Variants in TAF4B observed in about 807,000 individuals in gnomAD.
TAF4B encodes transcription initiation factor TFIID subunit 4B.
TAF4B carries 38 observed loss-of-function variants against 86.4 expected under a neutral mutation model. The observed-to-expected ratio is 0.44, with a 90% CI of 0.34 to 0.58. The LOEUF (loss-of-function observed/expected upper bound fraction) is 0.58. Ranked by LOEUF, TAF4B falls within the 20% of genes least tolerant of loss-of-function variation. The probability of loss-of-function intolerance (pLI) is 0.02; values close to 1 mark genes in which losing one functional copy is unlikely to be tolerated. For synonymous variants in TAF4B, 388 were observed against 391.2 expected (o/e 0.99, Z 0.10); for missense variants, 988 against 1,027.6 (o/e 0.96, Z 0.53).
intron 1 of TAF4B, among the ~76,000 whole-genome samples, chr18:26,256,703 G>C (rs965946233): frequency 6.6e-6 from 1 of 151,730 alleles, no homozygotes; most frequent in African/African-American, 2.4e-5. Context: ...TTGGTATGCT[G>C]TATCTTCATT....
chr18:26,330,083 A>G (rs570633126), intron 12 of TAF4B, among the ~76,000 whole-genome samples: 89 of 152,278 alleles, frequency 5.8e-4, no homozygotes, highest in African/African-American at 2.1e-3. Context: ...CCAATATCCA[A>G]TTCCTCATCA....
In TAF4B at chr18:26,390,969, G is replaced by A. The variant is rs1406111957; in HGVS notation, c.*957G>A. On this transcript the variant is annotated 3_prime_UTR_variant, in exon 15 of 15. Transcript: ENST00000269142. The stretch of plus-strand genomic sequence containing the variant: ...TGTTTTGTATTGTTTTAAATCCCAA[G>A]GATAGTTTTTATAGTTCCTTCTGTC... 1.3e-5 allele frequency: 2 copies of A among 152,098 alleles called. No individual in the cohort carries two copies. Among genetic ancestry groups the A allele is most frequent in the Non-Finnish European group, 2.9e-5 (2 of 68,020 alleles). The allele number at this position is 152,098 out of a possible 1,614,324, so 9.4% of individuals were successfully genotyped here.
At chr18:26,304,501 A>G (rs2056774529) in intron 9 of TAF4B, among the ~76,000 whole-genome samples, 1 of 152,222 alleles carries the variant, frequency 6.6e-6, no homozygotes, top group Non-Finnish European at 1.5e-5. Context: ...ACTTTGTGGG[A>G]CAGGTAAATC....
At chr18:26,358,477 A>G (rs750409401) in intron 14 of TAF4B, among the ~76,000 whole-genome samples, 4 of 152,294 alleles carry the variant, frequency 2.6e-5, no homozygotes, top group Non-Finnish European at 2.9e-5. Flanking sequence ...TTGGGAGGCC[A>G]AGGCGGGCGG....
rs1397404416 is a variant in TAF4B at position 26,346,833 on chromosome 18, ATATGTGTGTGTG to A, written c.2317-10853_2317-10842del. Among the ~76,000 whole-genome samples, 146 of 17,772 alleles carry A rather than the reference ATATGTGTGTGTG, an allele frequency of 8.2e-3. 15 individuals carry two copies. Among genetic ancestry groups the A allele is most frequent in the Middle Eastern group, 0.029 (1 of 34 alleles). The allele number at this position is 17,772 out of a possible 152,430, so 11.7% of individuals were successfully genotyped here. ...TATATATATGTGTGTGTATATATAT[ATATGTGTGTGTG>A]TATATATATATATGTGTATATATAT... On this transcript the variant is annotated intron_variant, in intron 13 of 14. Transcript: ENST00000269142.
At chr18:26,320,114 T>C (rs2056949593) in intron 10 of TAF4B, among the ~76,000 whole-genome samples, 1 of 152,210 alleles carries the variant, frequency 6.6e-6, no homozygotes, top group East Asian at 1.9e-4. Flanking sequence ...TTTTCTGTAG[T>C]TCACCCTTTG....
intron 5 of TAF4B, among the ~76,000 whole-genome samples, chr18:26,277,117 C>G (rs2035630704): frequency 6.6e-6 from 1 of 151,950 alleles, no homozygotes; most frequent in South Asian, 2.1e-4. Flanking sequence ...GGTCTTAACT[C>G]TGTCACCCAG....
chr18:26,289,861 C>CTAT (rs1340867234), intron 7 of TAF4B, among the ~76,000 whole-genome samples: 3 of 152,246 alleles, frequency 2.0e-5, no homozygotes. Flanking sequence ...TTAGACTAGA[C>CTAT]ATATACATTG....
chr18:26,286,375 C>G lies in TAF4B; in HGVS notation c.1466C>G (p.Ser489Cys). 6.2e-7 allele frequency: 1 copy of G among 1,614,202 alleles called. No individual in the cohort carries two copies. Among genetic ancestry groups the G allele is most frequent in the South Asian group, 1.1e-5 (1 of 91,076 alleles). The change falls in exon 7 of 15, where the codon TCT becomes TGT. Residue 489 changes from serine to cysteine, a missense_variant. Around this residue, in one of 3 missense-constraint regions of TAF4B, gnomAD observed 747 missense variants for 737.9 expected, o/e 1.01. Transcript: ENST00000269142. ...ICLPSVKPVVSSAGTTSDKPV... is the reference protein window; with the variant it reads ...ICLPSVKPVVCSAGTTSDKPV... ...CTTCCATCTGTGAAACCTGTTGTTT[C>G]TTCTGCTGGGACCACATCTGACAAG...
At chr18:26,372,449 T>A (rs1007272751) in intron 14 of TAF4B, among the ~76,000 whole-genome samples, 6 of 152,224 alleles carry the variant, frequency 3.9e-5, no homozygotes, top group African/African-American at 1.2e-4. Context: ...TATGCAGATA[T>A]TGATCTGGCA....
chr18:26,297,218 A>G (rs2144623872), intron 9 of TAF4B, among the ~76,000 whole-genome samples: 1 of 152,204 alleles, frequency 6.6e-6, no homozygotes, highest in East Asian at 1.9e-4. Flanking sequence ...AAGCATACAC[A>G]CAGACCAGAT....
chr18:26,284,321 C>T (rs570363049), intron 6 of TAF4B, among the ~76,000 whole-genome samples: 4 of 152,338 alleles, frequency 2.6e-5, no homozygotes, highest in Admixed American at 2.0e-4. Flanking sequence ...TCTGTCCACA[C>T]CACTCAAACT....
intron 13 of TAF4B, among the ~76,000 whole-genome samples, chr18:26,340,341 GT>G (rs1348206816): frequency 6.6e-6 from 1 of 152,152 alleles, no homozygotes; most frequent in African/African-American, 2.4e-5. Context: ...ATATCAATTT[GT>G]ATTTAAACTT....
chr18:26,237,088 G>A (rs1199275963), intron 1 of TAF4B, among the ~76,000 whole-genome samples: 2 of 152,176 alleles, frequency 1.3e-5, no homozygotes, highest in Non-Finnish European at 2.9e-5. Context: ...AGATGTTTGT[G>A]ACTCCAGTCC....
chr18:26,237,030 A>T (rs905558153), intron 1 of TAF4B, among the ~76,000 whole-genome samples: 1 of 152,172 alleles, frequency 6.6e-6, no homozygotes, highest in African/African-American at 2.4e-5. Context: ...TGAATAATTC[A>T]TGGGCTTTTT....
At chr18:26,331,106 C>G (rs1475045486) in intron 12 of TAF4B, among the ~76,000 whole-genome samples, 1 of 152,170 alleles carries the variant, frequency 6.6e-6, no homozygotes, top group Non-Finnish European at 1.5e-5. Context: ...GTCCCAGTCC[C>G]CACATTGACA....
At chr18:26,344,186 C>G (rs2057157971) in intron 13 of TAF4B, among the ~76,000 whole-genome samples, 1 of 152,094 alleles carries the variant, frequency 6.6e-6, no homozygotes, top group Non-Finnish European at 1.5e-5. Context: ...TGACAAGAGT[C>G]AGTTAACCCA....
At chr18:26,363,289 A>G (rs939985415) in intron 14 of TAF4B, among the ~76,000 whole-genome samples, 1 of 147,352 alleles carries the variant, frequency 6.8e-6, no homozygotes, top group African/African-American at 2.5e-5. Flanking sequence ...AATGAGAGAC[A>G]GGCTGGGTGC....
intron 1 of TAF4B, among the ~76,000 whole-genome samples, chr18:26,260,805 G>A (rs958266122): frequency 6.6e-6 from 1 of 152,124 alleles, no homozygotes; most frequent in Non-Finnish European, 1.5e-5. Flanking sequence ...TCTATCTCTA[G>A]TGATATTCTA....
Sources: allele counts gnomAD v4.1 joint callset (sites outside exome capture counted in the v4.1 genomes callset), GRCh38; gene constraint gnomAD v4.1.1; regional missense constraint gnomAD v4.1.1; transcripts MANE v1.5; gene names NCBI Gene and HGNC (gene_info 2026-07-23, HGNC 2026-07-21).